IL12RB1: variants seen among roughly 807,000 people sequenced by gnomAD.
IL12RB1 encodes interleukin-12 receptor subunit beta-1.
IL12RB1 carries 64 observed loss-of-function variants against 94.4 expected under a neutral mutation model. The observed-to-expected ratio is 0.68, with a 90% confidence interval of 0.55 to 0.83. The LOEUF (loss-of-function observed/expected upper bound fraction) is 0.83, where lower values mean the gene tolerates loss of function less well. IL12RB1 is among the 40% of genes least tolerant of loss of function. The pLI is 0.00. For missense variants in IL12RB1, 814 were observed against 855.6 expected (o/e 0.95, Z 0.61); for synonymous variants, 362 against 355.5 (o/e 1.02, Z -0.21).
chr19:18,092,288 C>T (rs1387360425), intron 1 of IL12RB1, among the ~76,000 whole-genome samples: 4 of 147,302 alleles, frequency 2.7e-5, no homozygotes, highest in East Asian at 2.1e-4. Context: ...GTCAGGAATT[C>T]GAGACTAGCC....
At position 18,075,813 on chromosome 19, in the gene IL12RB1, T is replaced by C. The variant is rs1231031069; in HGVS notation, c.636A>G (p.Arg212=). The change falls in exon 7 of 17, where the codon CGA becomes CGG. Residue 212 remains arginine (R), a synonymous_variant. Transcript: ENST00000593993. Reference sequence around the variant, plus strand: ...AACTTCCTTGGCTCCCCAGCTGCCGTCGTCGGAGCTGGAATTCCTGGGCCA... The same window carrying C: ...AACTTCCTTGGCTCCCCAGCTGCCGCCGTCGGAGCTGGAATTCCTGGGCCA... ...MNVAQEFQLR[R]RQLGSQGSSW... 6.2e-7 allele frequency: 1 copy of C among 1,612,012 alleles called. No homozygotes were observed. Among genetic ancestry groups the C allele is most frequent in the South Asian group, 1.1e-5 (1 of 91,022 alleles).
chr19:18,060,079 G>A lies in IL12RB1; in HGVS notation c.1798C>T (p.Gln600Ter). The A allele has an allele frequency of 6.3e-7, 1 of 1,586,626 alleles. No homozygotes were observed. Among genetic ancestry groups the A allele is most frequent in the Non-Finnish European group, 8.6e-7 (1 of 1,157,112 alleles). The change falls in exon 16 of 17, where the codon CAG becomes TAG. Residue 600 changes from glutamine to a stop codon, truncating the protein, a stop_gained. Transcript: ENST00000593993. LOFTEE classifies it high-confidence loss of function. ...TGGAAGTCCACTGGGTTGATCCACT[G>A]CCAAGTCTGCAGAGGGAGGGTAGGG... ...IEFPGGKETWQWINPVDFQEE... is the reference protein window; with the variant it reads ...IEFPGGKETW
In IL12RB1 at chr19:18,062,205, A is replaced by AC. The variant is rs1259129289; in HGVS notation, c.1690dup (p.Val564GlyfsTer28). On this transcript the variant is annotated frameshift_variant, in exon 14 of 17. Coordinates refer to ENST00000593993, the MANE Select transcript of IL12RB1 (RefSeq NM_005535.3). LOFTEE classifies it high-confidence loss of function. ...CCTGTTCAGGCCAAGGTAGCCAAGG[A>AC]CGCCCACGAGAAGGATGCTCAGGAA... 3 of 1,612,902 alleles carry AC rather than the reference A, an allele frequency of 1.9e-6. No homozygotes were observed. The highest frequency in any genetic ancestry group is 2.5e-6 in the Non-Finnish European group (3 of 1,179,126).
upstream of IL12RB1, among the ~76,000 whole-genome samples, chr19:18,088,472 G>A (rs2036481552): frequency 1.3e-5 from 2 of 150,848 alleles, no homozygotes; most frequent in Non-Finnish European, 2.9e-5. Flanking sequence ...GCTGAGGTGG[G>A]AGAATGGCTT....
At chr19:18,092,186 T>A (rs1249000512) in intron 1 of IL12RB1, among the ~76,000 whole-genome samples, 1 of 88,028 alleles carries the variant, frequency 1.1e-5, no homozygotes, top group Non-Finnish European at 2.4e-5. Context: ...CCATCCAGCT[T>A]TTTTTTTTTT....
chr19:18,071,345 A>C (rs984271014), intron 9 of IL12RB1: 87 of 939,236 alleles, frequency 9.3e-5, no homozygotes, highest in Non-Finnish European at 1.2e-5. Context: ...TGTCACAAGA[A>C]AAAAAAGAAA....
At chr19:18,064,513 C>A (rs1473436767) in intron 12 of IL12RB1, among the ~76,000 whole-genome samples, 1 of 151,006 alleles carries the variant, frequency 6.6e-6, no homozygotes, top group Non-Finnish European at 1.5e-5. Context: ...CACTCTGTTG[C>A]CCAGGCTGGA....
At position 18,086,839 on chromosome 19, in the gene IL12RB1, C is replaced by T. The variant is rs2036379793; in HGVS notation, c.-16G>A. Reference sequence around the variant, plus strand: ...GCGGCTCCATCGGATCCACGTAGAGCCCCACAGCCCCAGGGGAGCCTCTCT... The same window carrying T: ...GCGGCTCCATCGGATCCACGTAGAGTCCCACAGCCCCAGGGGAGCCTCTCT... On this transcript the variant is annotated 5_prime_UTR_variant, in exon 1 of 17. Transcript: ENST00000593993. 1.9e-6 allele frequency: 3 copies of T among 1,605,102 alleles called. No individual in the cohort carries two copies. Among genetic ancestry groups the T allele is most frequent in the Non-Finnish European group, 2.6e-6 (3 of 1,176,104 alleles).
At position 18,061,041 on chromosome 19, in the gene IL12RB1, G is replaced by T. The variant is rs17884618; in HGVS notation, c.1791+81C>A. 2.8e-3 allele frequency: 2,208 copies of T among 781,282 alleles called. 23 individuals are homozygous for T. The highest frequency in any genetic ancestry group is 0.025 in the African/African-American group (1,489 of 58,522). 48.4% of individuals were successfully genotyped at this position (781,282 alleles called of 1,614,324 possible). ...GTCCTTACCTTGATGAATTGGGAGA[G>T]AATAAAATGAGCTAATGCGTAACCC... On this transcript the variant is annotated intron_variant, in intron 15 of 16. Coordinates refer to ENST00000593993, the MANE Select transcript of IL12RB1 (RefSeq NM_005535.3).
At chr19:18,074,842 GA>G (rs1344671249) in intron 7 of IL12RB1, among the ~76,000 whole-genome samples, 4 of 152,164 alleles carry the variant, frequency 2.6e-5, no homozygotes, top group African/African-American at 9.6e-5. Context: ...ACGAGGTCAG[GA>G]GATTGAGACC....
intron 1 of IL12RB1, among the ~76,000 whole-genome samples, chr19:18,097,373 T>C (rs2037036166): frequency 6.6e-6 from 1 of 151,984 alleles, no homozygotes; most frequent in Non-Finnish European, 1.5e-5. Flanking sequence ...TTGGTTTTTT[T>C]TGTTTAGTAG....
chr19:18,096,973 C>T (rs1007885913), intron 1 of IL12RB1, among the ~76,000 whole-genome samples: 4 of 151,868 alleles, frequency 2.6e-5, no homozygotes, highest in Admixed American at 2.6e-4. Flanking sequence ...AGTGAGATCC[C>T]CGTCTCTAAA....
chr19:18,069,022 TTA>T (rs17879339), intron 10 of IL12RB1, among the ~76,000 whole-genome samples: 21,956 of 152,048 alleles, frequency 0.14, 1,950 homozygotes, highest in Non-Finnish European at 0.2. Flanking sequence ...AGTGCTGGGA[TTA>T]CAGGTGTTAG....
chr19:18,098,323 G>A (rs2037186325), intron 1 of IL12RB1, among the ~76,000 whole-genome samples: 1 of 152,078 alleles, frequency 6.6e-6, no homozygotes, highest in Non-Finnish European at 1.5e-5. Flanking sequence ...AGGAAACTGA[G>A]GCTCTAGTCC....
Position 18,098,549 on chromosome 19 carries a change from C to T in IL12RB1, c.-230+206G>A, listed in dbSNP as rs528713595. 4.6e-5 allele frequency among the ~76,000 whole-genome samples: 7 copies of T among 152,164 alleles called. No individual in the cohort carries two copies. In the South Asian group the frequency reaches 1.2e-3, roughly 27 times the overall value. On this transcript the variant is annotated intron_variant, in intron 1 of 4. Transcript: ENST00000594176. Reference sequence around the variant, plus strand: ...CATCAGGAGGTAGGGACACAGGCGTCGGGGACAGCAGAAGCCTAAGTTTGA... The same window carrying T: ...CATCAGGAGGTAGGGACACAGGCGTTGGGGACAGCAGAAGCCTAAGTTTGA...
chr19:18,073,590 G>C lies in IL12RB1; in HGVS notation c.710C>G (p.Pro237Arg), dbSNP rs1402432695. Residue 237 changes from proline (P) to arginine (R), a missense_variant, in exon 8 of 17, where the codon CCA becomes CGA. Transcript: ENST00000593993. ...SPVCVPPENP[P>R]QPQVRFSVEQ... ...CACCGAGAATCTCACCTGAGGCTGTGGGGGGTTTTCTGCAATCAGAACCAA... is the reference window on the plus strand; with the variant it reads ...CACCGAGAATCTCACCTGAGGCTGTCGGGGGTTTTCTGCAATCAGAACCAA... 1.2e-6 allele frequency: 2 copies of C among 1,608,492 alleles called. No individual in the cohort carries two copies. Among genetic ancestry groups the C allele is most frequent in the Admixed American group, 3.3e-5 (2 of 59,902 alleles).
At chr19:18,067,697 G>A (rs2146189207) in intron 11 of IL12RB1, among the ~76,000 whole-genome samples, 1 of 152,272 alleles carries the variant, frequency 6.6e-6, no homozygotes, top group Admixed American at 6.5e-5. Context: ...CAGCTACTCA[G>A]GAGGCTGAGG....
chr19:18,059,300 C>A lies in IL12RB1; in HGVS notation c.*308G>T. On this transcript the variant is annotated 3_prime_UTR_variant, in exon 17 of 17. Coordinates refer to ENST00000593993, the MANE Select transcript of IL12RB1 (RefSeq NM_005535.3). The stretch of plus-strand genomic sequence containing the variant: ...ATCCAGTGCTCCTGGGGGTGGATGC[C>A]CAGCCCAGGGTCCAGGGATCCATCT... The A allele has an allele frequency of 2.0e-6, 1 of 503,364 alleles. No individual in the cohort carries two copies. The highest frequency in any genetic ancestry group is 2.1e-5 in the South Asian group (1 of 47,118). 31.2% of individuals were successfully genotyped at this position (503,364 alleles called of 1,614,324 possible).
intron 14 of IL12RB1, among the ~76,000 whole-genome samples, chr19:18,061,635 A>G (rs1429376103): frequency 1.3e-5 from 2 of 152,004 alleles, no homozygotes; most frequent in East Asian, 1.9e-4. Flanking sequence ...ATTTCTGCAT[A>G]GGATCACCTG....
Sources: gnomAD v4.1 joint callset for allele counts (sites outside exome capture counted in the v4.1 genomes callset) on GRCh38, gnomAD v4.1.1 for gene constraint, MANE v1.5 for transcripts, NCBI Gene and HGNC (gene_info 2026-07-23, HGNC 2026-07-21) for gene names.